TIMP1: variants seen among roughly 807,000 people sequenced by gnomAD.
TIMP1 encodes the protein TIMP metallopeptidase inhibitor 1.
A neutral mutation model predicts 13.7 loss-of-function variants in TIMP1; 5 were observed. The ratio of observed to expected loss-of-function variants is 0.36; its 90% CI spans 0.19 to 0.76. The LOEUF is 0.76. Ranked by LOEUF, TIMP1 falls within the 30% of genes least tolerant of loss-of-function variation. The pLI is 0.51. For synonymous variants in TIMP1, 63 were observed against 67.1 expected, an observed-to-expected ratio of 0.94 and a Z score of 0.30; for missense variants, 131 against 168.4, an observed-to-expected ratio of 0.78 and a Z score of 1.23.
rs112183435 is a variant in TIMP1, at chrX:47,586,520, G to A, written c.454-1G>A. On this transcript the variant is annotated splice_acceptor_variant, in intron 5 of 5. Transcript: ENST00000218388. LOFTEE classifies it high-confidence loss of function. ...AGAGATGTTTCCCTCCTCCCTTCCA[G>A]GTGTTTCCCTGTTTATCCATCCCCT... The A allele has an allele frequency of 8.3e-7, 1 of 1,209,780 alleles. No individual in the cohort carries two copies. Among genetic ancestry groups the A allele is most frequent in the Non-Finnish European group, 1.1e-6 (1 of 894,841 alleles).
intron 2 of TIMP1, among the ~76,000 whole-genome samples, chrX:47,583,793 T>G (rs1002150296): frequency 8.9e-6 from 1 of 111,982 alleles, no homozygotes; most frequent in Admixed American, 9.4e-5. Flanking sequence ...AAACGTCACC[T>G]TCTCAGGATG....
At chrX:47,585,183 A>G in intron 3 of TIMP1, 22 bp from the exon 4 acceptor site, 1 of 1,171,613 alleles carries the variant, frequency 8.5e-7, no homozygotes, top group East Asian at 3.0e-5. Flanking sequence ...TAAAAGAGAC[A>G]CTTCCCCTCA....
At chrX:47,585,519 T>C (rs2057820539) in intron 4 of TIMP1, 24 bp from the exon 5 acceptor site, 2 of 1,196,727 alleles carry the variant, frequency 1.7e-6, no homozygotes, top group Non-Finnish European at 2.3e-6. Context: ...TGCTTGTCGG[T>C]CCCCGCCCCG....
At chrX:47,585,907 T>C in intron 5 of TIMP1, 1 of 1,124,878 alleles carries the variant, frequency 8.9e-7, no homozygotes, top group South Asian at 1.9e-5. Context: ...CCCTGGTCCC[T>C]CTAATTCTCC....
chrX:47,585,644 A>G lies in TIMP1; in HGVS notation c.430A>G (p.Thr144Ala), dbSNP rs770667933. The G allele has an allele frequency of 3.3e-6, 4 of 1,203,956 alleles. No homozygotes were observed. In the South Asian group the frequency reaches 7.3e-5, roughly 22 times the overall value. Residue 144 changes from threonine (T) to alanine (A), a missense_variant, in exon 5 of 6, where the codon ACT becomes GCT. By Grantham distance (58) the Thr-to-Ala change is moderately conservative (BLOSUM62 0). Transcript: ENST00000218388. ...GCGCCGGGGCTTCACCAAGACCTAC[A>G]CTGTTGGCTGTGAGGAATGCACAGT... is the stretch of plus-strand genomic sequence containing the variant. ...AQRRGFTKTY[T>A]VGCEECTVFP...
chrX:47,583,087 C>G (rs2057806416), intron 1 of TIMP1, among the ~76,000 whole-genome samples: 1 of 98,551 alleles, frequency 1.0e-5, no homozygotes, highest in Non-Finnish European at 2.1e-5. Flanking sequence ...TCCTCACCCC[C>G]AAACTCCTCA....
At chrX:47,583,723 C>A (rs2057809955) in intron 2 of TIMP1, among the ~76,000 whole-genome samples, 187 bp downstream of exon 2, 2 of 112,048 alleles carry the variant, frequency 1.8e-5, no homozygotes, top group African/African-American at 6.5e-5. Context: ...GATCTGCATG[C>A]TGGCTGCTCC....
At chrX:47,583,313 C>A in intron 1 of TIMP1, 95 bp from the exon 2 acceptor site, 1 of 776,550 alleles carries the variant, frequency 1.3e-6, no homozygotes, top group South Asian at 2.8e-5. Flanking sequence ...CTAATCCCCC[C>A]CATAGGCTGC....
At chrX:47,582,497 C>A in intron 1 of TIMP1, 23 bp downstream of exon 1, 1 of 310,951 alleles carries the variant, frequency 3.2e-6, no homozygotes, top group Non-Finnish European at 6.5e-6. Context: ...CGGGGTGGCC[C>A]AGCAGGGACC....
rs906641742 is a variant in TIMP1 at position 47,586,174 on chromosome X, C to G, written c.454-347C>G. Reference sequence around the variant, plus strand: ...GCCCAGTGACTATCTTGAAGCCCCACTGGCTATTCCTGTGCTTAAACTCCT... The same window carrying G: ...GCCCAGTGACTATCTTGAAGCCCCAGTGGCTATTCCTGTGCTTAAACTCCT... On this transcript the variant is annotated intron_variant, in intron 5 of 5. Coordinates refer to ENST00000218388, the MANE Select transcript of TIMP1 (RefSeq NM_003254.3). 8.0e-6 allele frequency: 6 copies of G among 752,635 alleles called. No individual in the cohort carries two copies. The African/African-American group carries it at 1.2e-4, about 15-fold the overall frequency. 62.0% of individuals were successfully genotyped at this position (752,635 alleles called of 1,213,427 possible). A position where few individuals can be genotyped will look rare whatever the true frequency, so the allele number is the denominator to read the frequency against.
intron 5 of TIMP1, 41 bp downstream of exon 5, chrX:47,585,708 CG>C (rs1569326146): frequency 8.3e-7 from 1 of 1,203,547 alleles, no homozygotes; most frequent in East Asian, 3.0e-5. Flanking sequence ...AGATCCTTCC[CG>C]GGGCCATTCC....
chrX:47,586,107 C>T (rs1308694327), intron 5 of TIMP1: 5 of 941,135 alleles, frequency 5.3e-6, no homozygotes, highest in Non-Finnish European at 6.7e-6. Flanking sequence ...GACCTCCTGG[C>T]TAGTCCAAGC....
At chrX:47,583,144 C>T (rs1569325040) in intron 1 of TIMP1, among the ~76,000 whole-genome samples, 1 of 99,457 alleles carries the variant, frequency 1.0e-5, no homozygotes, top group Non-Finnish European at 2.0e-5. Flanking sequence ...TTCCTCAGCC[C>T]CCTTCTCCCC....
intron 2 of TIMP1, among the ~76,000 whole-genome samples, chrX:47,583,769 T>A (rs1163121987): frequency 8.9e-6 from 1 of 112,000 alleles, no homozygotes; most frequent in African/African-American, 3.2e-5. Context: ...GGTATCCACA[T>A]GGGTGGCTGC....
intron 5 of TIMP1, 82 bp from the exon 6 acceptor site, chrX:47,586,439 G>A (rs747655131): frequency 5.5e-5 from 64 of 1,157,235 alleles, no homozygotes; most frequent in Admixed American, 9.3e-5. Flanking sequence ...GCGGCTCAGT[G>A]TTGAAAGCTG....
intron 2 of TIMP1, 41 bp from the exon 3 acceptor site, chrX:47,584,895 C>T (rs373256086): frequency 1.6e-4 from 177 of 1,092,208 alleles, no homozygotes; most frequent in Non-Finnish European, 2.1e-4. Context: ...TTTATTGGCT[C>T]ATGCAGTCCA....
rs141614092 is a variant in TIMP1, at chrX:47,584,967, A to C, written c.153A>C (p.Glu51Asp). Reference sequence around the variant, plus strand: ...GGGCCAAGTTCGTGGGGACACCAGAAGTCAACCAGACCACCTTATACCAGC... The same window carrying C: ...GGGCCAAGTTCGTGGGGACACCAGACGTCAACCAGACCACCTTATACCAGC... ...VIRAKFVGTP[E>D]VNQTTLYQRY... Residue 51 changes from glutamate to aspartate, a missense_variant, in exon 3 of 6, where the codon GAA (glutamate) becomes GAC (aspartate). Physicochemically the swap from Glu to Asp is conservative, Grantham distance 45. Coordinates refer to ENST00000218388, the MANE Select transcript of TIMP1 (RefSeq NM_003254.3). 24 of 1,209,403 alleles carry C rather than the reference A, an allele frequency of 2.0e-5. No individual in the cohort carries two copies. In the African/African-American group the frequency reaches 3.9e-4, roughly 19 times the overall value.
Position 47,586,772 on chromosome X carries a change from A to T in TIMP1, c.*81A>T, listed in dbSNP as rs1283455344. On this transcript the variant is annotated 3_prime_UTR_variant, in exon 6 of 6. Coordinates refer to ENST00000218388, the MANE Select transcript of TIMP1 (RefSeq NM_003254.3). ...CATCTTTCTTCCGGACAATGAAATA[A>T]AGAGTTACCACCCAGCAGACACTGT... 1.8e-6 allele frequency: 2 copies of T among 1,092,752 alleles called. No homozygotes were observed. Among genetic ancestry groups the T allele is most frequent in the Non-Finnish European group, 2.5e-6 (2 of 815,931 alleles). 90.1% of individuals were successfully genotyped at this position (1,092,752 alleles called of 1,213,427 possible).
intron 4 of TIMP1, 22 bp downstream of exon 4, chrX:47,585,353 C>T: frequency 8.3e-7 from 1 of 1,208,968 alleles, no homozygotes; most frequent in Non-Finnish European, 1.1e-6. Flanking sequence ...TCCCCGCGCC[C>T]TGTGCCACAC....
Sources: gnomAD v4.1 joint callset for allele counts (sites outside exome capture counted in the v4.1 genomes callset) on GRCh38, gnomAD v4.1.1 for gene constraint, MANE v1.5 for transcripts, NCBI Gene and HGNC (gene_info 2026-07-23, HGNC 2026-07-21) for gene names.